OSBPL1A: variants seen among roughly 807,000 people sequenced by gnomAD.
OSBPL1A encodes oxysterol-binding protein-related protein 1.
In OSBPL1A, 80 loss-of-function variants were observed where a neutral mutation model predicts 137.1. That is an observed-to-expected ratio of 0.58 (90% CI 0.49 to 0.70). The LOEUF (loss-of-function observed/expected upper bound fraction) is 0.70, where lower values mean the gene tolerates loss of function less well. Among genes scored for constraint, OSBPL1A ranks in the 30% least tolerant of loss-of-function variants. The pLI, the probability that OSBPL1A is intolerant of heterozygous loss-of-function variation, is 0.00. For missense variants in OSBPL1A, 970 were observed against 1,129.4 expected (o/e 0.86, Z 2.02); for synonymous variants, 365 against 389.7 (o/e 0.94, Z 0.75).
At chr18:24,298,190 G>A (rs1300560996) in intron 14 of OSBPL1A, among the ~76,000 whole-genome samples, 2 of 152,024 alleles carry the variant, frequency 1.3e-5, no homozygotes, top group Non-Finnish European at 2.9e-5. Context: ...TACCCTATAT[G>A]GTCTAAAAAG....
At chr18:24,171,545 G>A in intron 22 of OSBPL1A, 47 bp from the exon 23 acceptor site, 1 of 1,430,864 alleles carries the variant, frequency 7.0e-7, no homozygotes, top group Non-Finnish European at 9.7e-7. Flanking sequence ...TAGCAAAGCA[G>A]CAGTAGAGAA....
At chr18:24,283,363 A>C (rs1288458747) in intron 14 of OSBPL1A, among the ~76,000 whole-genome samples, 1 of 149,864 alleles carries the variant, frequency 6.7e-6, no homozygotes, top group Admixed American at 6.7e-5. Flanking sequence ...TGAAGGCCAA[A>C]TTATATTTTA....
chr18:24,189,881 G>C (rs986868493), intron 18 of OSBPL1A, among the ~76,000 whole-genome samples: 1 of 152,244 alleles, frequency 6.6e-6, no homozygotes, highest in Non-Finnish European at 1.5e-5. Flanking sequence ...AGGGGCCAGA[G>C]TGAAAGACAC....
At chr18:24,192,276 A>T (rs1401809959) in intron 18 of OSBPL1A, among the ~76,000 whole-genome samples, 1 of 152,074 alleles carries the variant, frequency 6.6e-6, no homozygotes, top group African/African-American at 2.4e-5. Context: ...GAGCAAAGGG[A>T]TGGAGGAGAA....
chr18:24,375,925 C>CT (rs1384068115), intron 2 of OSBPL1A, among the ~76,000 whole-genome samples: 1 of 152,128 alleles, frequency 6.6e-6, no homozygotes, highest in Non-Finnish European at 1.5e-5. Flanking sequence ...TGTTACAGCT[C>CT]TTAAGGCGGC....
At chr18:24,248,998 C>T (rs868699641) in intron 15 of OSBPL1A, among the ~76,000 whole-genome samples, 18 of 152,228 alleles carry the variant, frequency 1.2e-4, no homozygotes, top group Middle Eastern at 3.2e-3. Flanking sequence ...CGTGTTCACT[C>T]CCACGGTATG....
chr18:24,217,778 G>A (rs967242631), intron 17 of OSBPL1A, among the ~76,000 whole-genome samples: 28 of 152,130 alleles, frequency 1.8e-4, no homozygotes, highest in African/African-American at 6.8e-4. Context: ...GAGAATCAGA[G>A]AGCAAATGCT....
intron 11 of OSBPL1A, among the ~76,000 whole-genome samples, chr18:24,315,593 A>ATAT (rs56170506): frequency 0.54 from 72,514 of 134,394 alleles, 20,608 homozygotes; most frequent in Middle Eastern, 0.62. Context: ...AATCATATTA[A>ATAT]TATTATTATA....
chr18:24,350,496 T>C (rs73943432), intron 4 of OSBPL1A, among the ~76,000 whole-genome samples: 2,639 of 152,252 alleles, frequency 0.017, 72 homozygotes, highest in African/African-American at 0.061. Flanking sequence ...CTCACTATAT[T>C]GCCCAGGCTG....
chr18:24,262,089 A>G (rs532882383), intron 15 of OSBPL1A, among the ~76,000 whole-genome samples: 2 of 152,218 alleles, frequency 1.3e-5, no homozygotes, highest in Non-Finnish European at 2.9e-5. Flanking sequence ...TATCTTCCAT[A>G]TATATCTCAT....
At chr18:24,206,454 T>C (rs1475564457) in intron 17 of OSBPL1A, among the ~76,000 whole-genome samples, 2 of 152,230 alleles carry the variant, frequency 1.3e-5, no homozygotes, top group East Asian at 3.8e-4. Context: ...TTTGTTTTAA[T>C]GTCATATGAC....
At chr18:24,390,694 C>CAAAAAAAAAAAAAAAAAAAAAAAAAAA (rs751432894) in intron 1 of OSBPL1A, among the ~76,000 whole-genome samples, 1 of 56,212 alleles carries the variant, frequency 1.8e-5, no homozygotes, top group African/African-American at 7.1e-5. Context: ...GACTCCGTCT[C>CAAAAAAAAAAAAAAAAAAAAAAAAAAA]AAAAAAAAAA....
chr18:24,196,300 A>T (rs2087029046), intron 17 of OSBPL1A, 100 bp from the exon 18 acceptor site: 1 of 797,186 alleles, frequency 1.3e-6, no homozygotes, highest in African/African-American at 1.7e-5. Context: ...GCACAGAAAG[A>T]CCCTTTAAAA....
intron 15 of OSBPL1A, among the ~76,000 whole-genome samples, chr18:24,250,266 T>C (rs2089046608): frequency 6.6e-6 from 1 of 152,062 alleles, no homozygotes; most frequent in Non-Finnish European, 1.5e-5. Context: ...AACCTCTCTT[T>C]CCTGGGTTTG....
intron 24 of OSBPL1A, among the ~76,000 whole-genome samples, chr18:24,167,814 C>G (rs114727904): frequency 0.015 from 2,273 of 152,316 alleles, 64 homozygotes; most frequent in African/African-American, 0.051. Flanking sequence ...TACATATACA[C>G]TTACAAATTG....
intron 18 of OSBPL1A, among the ~76,000 whole-genome samples, chr18:24,184,988 TA>T (rs1456725933): frequency 1.3e-5 from 2 of 152,180 alleles, no homozygotes; most frequent in Non-Finnish European, 2.9e-5. Flanking sequence ...TTTGGAATAT[TA>T]TTCAGTGCTA....
intron 14 of OSBPL1A, among the ~76,000 whole-genome samples, chr18:24,283,279 AAAAT>A (rs2089999096): frequency 1.2e-5 from 1 of 85,178 alleles, no homozygotes; most frequent in Non-Finnish European, 2.4e-5. Context: ...AAAAAAAAAA[AAAAT>A]ATATATATAT....
chr18:24,383,214 T>A (rs1906733336), intron 1 of OSBPL1A, among the ~76,000 whole-genome samples: 1 of 152,200 alleles, frequency 6.6e-6, no homozygotes, highest in Admixed American at 6.5e-5. Flanking sequence ...TCACAGGGGA[T>A]TTTTAAATAT....
chr18:24,322,873 C>A (rs1312773667), intron 7 of OSBPL1A, among the ~76,000 whole-genome samples: 1 of 152,072 alleles, frequency 6.6e-6, no homozygotes, highest in East Asian at 1.9e-4. Context: ...ATGGGTTCCA[C>A]CACCAGTTAA....
Sources: allele counts gnomAD v4.1 joint callset (sites outside exome capture counted in the v4.1 genomes callset), GRCh38; gene constraint gnomAD v4.1.1; transcripts MANE v1.5; gene names NCBI Gene and HGNC (gene_info 2026-07-23, HGNC 2026-07-21).